Variants in NANOS3 observed in about 807,000 individuals in gnomAD.
NANOS3 encodes the protein nanos homolog 3.
A neutral mutation model predicts 13.8 loss-of-function variants in NANOS3; 11 were observed. That is an observed-to-expected ratio of 0.80 (90% confidence interval 0.50 to 1.32). The LOEUF (loss-of-function observed/expected upper bound fraction) is 1.32. Ranked by LOEUF, NANOS3 falls within the 40% of genes most tolerant of loss-of-function variation. The pLI is 0.00. For synonymous variants in NANOS3, 119 were observed against 115.4 expected (o/e 1.03, Z -0.20); for missense variants, 221 against 263.8 (o/e 0.84, Z 1.12).
intron 1 of NANOS3, chr19:13,865,457 G>C (rs1599296646): frequency 1.4e-5 from 2 of 146,364 alleles, no homozygotes; most frequent in African/African-American, 4.9e-5. Context: ...GGCGCCGGGC[G>C]GGCCGGGGGC....
upstream of NANOS3, among the ~76,000 whole-genome samples, chr19:13,876,099 G>A (rs1216570943): frequency 6.6e-6 from 1 of 152,126 alleles, no homozygotes; most frequent in African/African-American, 2.4e-5. Flanking sequence ...CTAGCCTCAG[G>A]GGGCCCCAGT....
chr19:13,877,202 G>T lies in NANOS3; in HGVS notation c.-47G>T. ...AAGGAGGGAGCTTAAGCCAGGCAGG[G>T]TTACTTGTCTCTGTGACTCCTTCCG... On this transcript the variant is annotated 5_prime_UTR_variant, in exon 1 of 2. Transcript: ENST00000339133. The T allele has an allele frequency of 1.3e-6, 2 of 1,519,878 alleles. No individual in the cohort carries two copies. Among genetic ancestry groups the T allele is most frequent in the Non-Finnish European group, 1.8e-6 (2 of 1,112,168 alleles). 94.1% of individuals were successfully genotyped at this position (1,519,878 alleles called of 1,614,324 possible).
chr19:13,875,007 G>T (rs1420375366), upstream of NANOS3: 1 of 486,916 alleles, frequency 2.1e-6, no homozygotes, highest in East Asian at 5.6e-5. Flanking sequence ...AAGGGGAATG[G>T]GGACTGGGGA....
chr19:13,865,857 G>A (rs1292237730), intron 1 of NANOS3, among the ~76,000 whole-genome samples: 3 of 149,682 alleles, frequency 2.0e-5, no homozygotes, highest in Non-Finnish European at 3.0e-5. Context: ...GGGCGGCGGC[G>A]AGCTTTGTTC....
chr19:13,869,106 G>A (rs1976285877), intron 1 of NANOS3, among the ~76,000 whole-genome samples: 2 of 152,064 alleles, frequency 1.3e-5, no homozygotes, highest in African/African-American at 4.8e-5. Context: ...AGCCCACCCT[G>A]ACCCCAAACC....
At chr19:13,864,819 G>GTC (rs1976206935), upstream of NANOS3, among the ~76,000 whole-genome samples, 1 of 152,122 alleles carries the variant, frequency 6.6e-6, no homozygotes, top group African/African-American at 2.4e-5. Context: ...GCCCCCGGGT[G>GTC]TCCCTCTGTG....
At chr19:13,865,372 C>T (rs1976218496), upstream of NANOS3, 1 of 147,332 alleles carries the variant, frequency 6.8e-6, no homozygotes, top group East Asian at 2.0e-4. Context: ...CGCCTCGGGC[C>T]CGGGGGGCTT....
chr19:13,870,241 G>A (rs1243529829), intron 1 of NANOS3, among the ~76,000 whole-genome samples: 3 of 152,022 alleles, frequency 2.0e-5, no homozygotes, highest in Non-Finnish European at 2.9e-5. Context: ...CACCACACCC[G>A]GCTAAGTTTT....
Position 13,877,533 on chromosome 19 carries a change from G to A in NANOS3, c.285G>A (p.Leu95=), listed in dbSNP as rs1336255861. ...GGGCCATCTACCAGTCCCACGTGCTGAAGGACGAGGCTGGCAGGGTGCTGT... is the reference window on the plus strand; with the variant it reads ...GGGCCATCTACCAGTCCCACGTGCTAAAGGACGAGGCTGGCAGGGTGCTGT... ...ESRAIYQSHV[L]KDEAGRVLCP... The change falls in exon 1 of 2, where the codon CTG becomes CTA. Residue 95 remains leucine (L), a synonymous_variant. Transcript: ENST00000339133. 3 of 1,612,394 alleles carry A rather than the reference G, an allele frequency of 1.9e-6. No homozygotes were observed. In the Admixed American group the frequency reaches 5.0e-5, roughly 27 times the overall value.
In NANOS3 at chr19:13,880,562, A is replaced by G; in HGVS notation, c.*59A>G. The stretch of plus-strand genomic sequence containing the variant: ...CTCGGCTGGATTTCCAGGAAGACCC[A>G]CCCTATGACGACTGCCCCCACTCCC... On this transcript the variant is annotated 3_prime_UTR_variant, in exon 2 of 2. Coordinates refer to ENST00000339133, the MANE Select transcript of NANOS3 (RefSeq NM_001098622.3). 1 of 1,481,710 alleles carries G rather than the reference A, an allele frequency of 6.7e-7. No homozygotes were observed. Among genetic ancestry groups the G allele is most frequent in the Admixed American group, 1.7e-5 (1 of 59,326 alleles). The allele number at this position is 1,481,710 out of a possible 1,614,324, so 91.8% of individuals were successfully genotyped here.
upstream of NANOS3, among the ~76,000 whole-genome samples, chr19:13,876,805 G>A (rs1186615047): frequency 2.0e-5 from 3 of 152,208 alleles, no homozygotes; most frequent in African/African-American, 7.2e-5. Flanking sequence ...ACTGGTAACT[G>A]CTAGTCTTTG....
At chr19:13,877,820 CT>C in intron 1 of NANOS3, 55 bp downstream of exon 1, 1 of 1,503,612 alleles carries the variant, frequency 6.7e-7, no homozygotes, top group Non-Finnish European at 8.9e-7. Flanking sequence ...CTGAGCCCCC[CT>C]GTGAAGTAAG....
upstream of NANOS3, chr19:13,874,709 G>T (rs1285064274): frequency 1.1e-5 from 6 of 531,438 alleles, no homozygotes; most frequent in Non-Finnish European, 1.9e-5. Context: ...CGGAAAATTT[G>T]CCAAGGGTTT....
upstream of NANOS3, among the ~76,000 whole-genome samples, chr19:13,864,784 T>C (rs1976206327): frequency 6.6e-6 from 1 of 152,046 alleles, no homozygotes; most frequent in Non-Finnish European, 1.5e-5. Flanking sequence ...ATGTGGTGTG[T>C]CTGTGTACCT....
upstream of NANOS3, chr19:13,862,140 C>T (rs1200107383): frequency 2.0e-5 from 3 of 152,430 alleles, no homozygotes; most frequent in African/African-American, 4.8e-5. Context: ...AGAGGCCGCC[C>T]GCCCCGGCAA....
chr19:13,863,931 A>T (rs1976193106), upstream of NANOS3, among the ~76,000 whole-genome samples: 1 of 151,956 alleles, frequency 6.6e-6, no homozygotes, highest in African/African-American at 2.4e-5. Context: ...TCAGGTGGGG[A>T]AGGGCCATGG....
At chr19:13,874,925 C>T (rs534353286), upstream of NANOS3, 13 of 530,230 alleles carry the variant, frequency 2.5e-5, no homozygotes, top group African/African-American at 7.7e-5. Context: ...TCATTGTTGT[C>T]GGTGGGTTGT....
upstream of NANOS3, among the ~76,000 whole-genome samples, chr19:13,874,505 TCC>T (rs1381152165): frequency 6.6e-6 from 1 of 152,182 alleles, no homozygotes; most frequent in Non-Finnish European, 1.5e-5. Context: ...TACATCTCCA[TCC>T]CCATAGCAAA....
chr19:13,877,441 C>G lies in NANOS3; in HGVS notation c.193C>G (p.Arg65Gly). ...VPVPGPKDQKRSLESSPAPER... is the reference protein window; with the variant it reads ...VPVPGPKDQKGSLESSPAPER... ...AGTGCCGGGACCCAAGGATCAGAAG[C>G]GCAGCCTGGAGTCCTCGCCAGCTCC... Residue 65 changes from arginine to glycine, a missense_variant, in exon 1 of 2, where the codon CGC becomes GGC. Transcript: ENST00000339133. The G allele has an allele frequency of 1.9e-6, 3 of 1,612,054 alleles. No individual in the cohort carries two copies. The highest frequency in any genetic ancestry group is 2.5e-6 in the Non-Finnish European group (3 of 1,179,986).
Sources: gnomAD v4.1 joint callset for allele counts (sites outside exome capture counted in the v4.1 genomes callset) on GRCh38, gnomAD v4.1.1 for gene constraint, MANE v1.5 for transcripts, NCBI Gene and HGNC (gene_info 2026-07-23, HGNC 2026-07-21) for gene names.